Variants in XRN1 observed in about 807,000 individuals in gnomAD.
XRN1 encodes 5'-3' exoribonuclease 1, also known as strand-exchange protein 1 homolog.
XRN1 carries 67 observed loss-of-function variants against 222.3 expected under a neutral mutation model. That is an observed-to-expected ratio of 0.30 (90% confidence interval 0.25 to 0.37). The LOEUF is 0.37. Ranked by LOEUF, XRN1 falls within the 10% of genes least tolerant of loss-of-function variation. The probability of loss-of-function intolerance (pLI) is 1.00; values close to 1 mark genes in which losing one functional copy is unlikely to be tolerated. For missense variants in XRN1, 1,707 were observed against 2,000.2 expected (o/e 0.85, Z 2.80); for synonymous variants, 643 against 652.4 (o/e 0.99, Z 0.22).
At chr3:142,336,165 T>C (rs1331831215) in intron 33 of XRN1, among the ~76,000 whole-genome samples, 1 of 151,296 alleles carries the variant, frequency 6.6e-6, no homozygotes, top group Non-Finnish European at 1.5e-5. Flanking sequence ...ATGAAGGAGA[T>C]AGGAAAGGAT....
rs763279431 is a variant in XRN1 at position 142,404,860 on chromosome 3, T to A, written c.1883+47A>T. On this transcript the variant is annotated intron_variant, in intron 16 of 40. Transcript: ENST00000392981. ...CCCTTCACCACTTCTCGCACCCTTG[T>A]GTTAGGAGCGCTCTTTTGTTGTTGA... 1.9e-5 allele frequency: 30 copies of A among 1,588,704 alleles called. No homozygotes were observed. In the South Asian group the frequency reaches 3.1e-4, roughly 16 times the overall value.
chr3:142,352,992 A>G (rs2066354005), intron 32 of XRN1, among the ~76,000 whole-genome samples: 1 of 152,224 alleles, frequency 6.6e-6, no homozygotes, highest in South Asian at 2.1e-4. Context: ...CTAGCAAAAC[A>G]TGTAGTAGGA....
intron 33 of XRN1, among the ~76,000 whole-genome samples, chr3:142,346,485 CTTT>C (rs1252729302): frequency 1.4e-5 from 2 of 143,048 alleles, no homozygotes; most frequent in African/African-American, 2.5e-5. Flanking sequence ...CAATCATCCT[CTTT>C]TTTTTTTTTT....
At chr3:142,383,708 A>C (rs188599983) in intron 21 of XRN1, among the ~76,000 whole-genome samples, 19 of 152,314 alleles carry the variant, frequency 1.2e-4, no homozygotes, top group Admixed American at 3.9e-4. Context: ...ATCTTGTCCA[A>C]GGTCATGCAG....
intron 21 of XRN1, 57 bp from the exon 22 acceptor site, chr3:142,383,470 G>A: frequency 7.0e-7 from 1 of 1,429,970 alleles, no homozygotes. Flanking sequence ...TGCGTATCAA[G>A]TTTTTTTCCT....
At chr3:142,366,971 G>T (rs750629933) in intron 27 of XRN1, among the ~76,000 whole-genome samples, 45 of 152,118 alleles carry the variant, frequency 3.0e-4, no homozygotes, top group Admixed American at 6.5e-4. Context: ...TTCAAAATAT[G>T]ATCACCTAAG....
rs771542446 is a variant in XRN1 at position 142,365,339 on chromosome 3, C to G, written c.3232G>C (p.Val1078Leu). Reference sequence around the variant, plus strand: ...TATAGCAAATGGGGTTTCACTGTTACTCGCACCTTCTTATTATTCTTTCTT... The same window carrying G: ...TATAGCAAATGGGGTTTCACTGTTAGTCGCACCTTCTTATTATTCTTTCTT... ...KQRKNNKKVR[V>L]TVKPHLLYRP... Residue 1078 changes from valine (V) to leucine (L), a missense_variant, in exon 28 of 41, where the codon GTA becomes CTA. Physicochemically the swap from Val to Leu is conservative, Grantham distance 32. Coordinates refer to ENST00000392981, the MANE Select transcript of XRN1 (RefSeq NM_001282857.2). 1.9e-6 allele frequency: 3 copies of G among 1,577,402 alleles called. No individual in the cohort carries two copies. Among genetic ancestry groups the G allele is most frequent in the Non-Finnish European group, 2.6e-6 (3 of 1,161,438 alleles).
intron 33 of XRN1, among the ~76,000 whole-genome samples, chr3:142,336,093 A>G (rs73238143): frequency 0.1 from 15,696 of 152,218 alleles, 950 homozygotes; most frequent in Non-Finnish European, 0.14. Context: ...GGGGGATGGT[A>G]GGAGAAATGA....
At chr3:142,331,477 A>C (rs953305668) in intron 36 of XRN1, among the ~76,000 whole-genome samples, 2 of 152,212 alleles carry the variant, frequency 1.3e-5, no homozygotes, top group Admixed American at 1.3e-4. Flanking sequence ...ATCAATTATT[A>C]GCACCTACAA....
chr3:142,340,239 C>A (rs1473628945), intron 33 of XRN1, among the ~76,000 whole-genome samples: 1 of 151,980 alleles, frequency 6.6e-6, no homozygotes, highest in African/African-American at 2.4e-5. Flanking sequence ...CCTGTAATCC[C>A]AGCTACTTGG....
intron 1 of XRN1, among the ~76,000 whole-genome samples, chr3:142,442,592 T>A (rs1354781491): frequency 6.6e-6 from 1 of 152,198 alleles, no homozygotes; most frequent in Non-Finnish European, 1.5e-5. Flanking sequence ...ACTTAGGCAT[T>A]GATAGCACCC....
Position 142,335,029 on chromosome 3 carries a change from C to T in XRN1, c.3939+419G>A, listed in dbSNP as rs1040399299. On this transcript the variant is annotated intron_variant, in intron 34 of 40. Transcript: ENST00000392981. ...GATTTTTTTGTATTTTTAGTAGAGA[C>T]GGGGTTTTACCATGTTGGCAAGGCT... Among the ~76,000 whole-genome samples, 20 of 151,376 alleles carry T rather than the reference C, an allele frequency of 1.3e-4. No individual in the cohort carries two copies. The East Asian group carries it at 3.3e-3, about 25-fold the overall frequency.
intron 27 of XRN1, among the ~76,000 whole-genome samples, chr3:142,370,210 T>C (rs2066947807): frequency 6.6e-6 from 1 of 152,186 alleles, no homozygotes; most frequent in African/African-American, 2.4e-5. Flanking sequence ...CTTTTGTATA[T>C]TGAAAATATA....
intron 33 of XRN1, among the ~76,000 whole-genome samples, chr3:142,339,803 A>G (rs1052049132): frequency 6.6e-6 from 1 of 152,178 alleles, no homozygotes; most frequent in Admixed American, 6.5e-5. Context: ...CCTCAAAAAC[A>G]AAAACAAAAA....
intron 32 of XRN1, among the ~76,000 whole-genome samples, chr3:142,355,162 G>A (rs931758297): frequency 7.9e-5 from 12 of 151,646 alleles, no homozygotes; most frequent in African/African-American, 2.9e-4. Flanking sequence ...AGGATCATTT[G>A]TACCCTAAAC....
In XRN1 at chr3:142,326,480, TGTGA is replaced by T. The variant is rs142146089; in HGVS notation, c.4404+2950_4404+2953del. 1.2e-3 allele frequency among the ~76,000 whole-genome samples: 182 copies of T among 152,282 alleles called. 2 individuals are homozygous for T. In the South Asian group the frequency reaches 0.027, roughly 23 times the overall value. On this transcript the variant is annotated intron_variant, in intron 37 of 40. Coordinates refer to ENST00000392981, the MANE Select transcript of XRN1 (RefSeq NM_001282857.2). ...ATTGTTTGCTGTCAGTATATAGAAA[TGTGA>T]CTGATTGTATGTTGATTTTGTATCC...
rs371552412 is a variant in XRN1, at chr3:142,404,948, T to C, written c.1842A>G (p.Pro614=). 6.2e-7 allele frequency: 1 copy of C among 1,614,038 alleles called. No individual in the cohort carries two copies. Among genetic ancestry groups the C allele is most frequent in the South Asian group, 1.1e-5 (1 of 91,072 alleles). Residue 614 remains proline (P), a synonymous_variant, in exon 16 of 41, where the codon CCA becomes CCG. Coordinates refer to ENST00000392981, the MANE Select transcript of XRN1 (RefSeq NM_001282857.2). ...CTATGGCAGGGAACTTTTCTGGCCATGGAGAAGGATAGATAAACTCTGTGT... is the reference window on the plus strand; with the variant it reads ...CTATGGCAGGGAACTTTTCTGGCCACGGAGAAGGATAGATAAACTCTGTGT... ...DRDTEFIYPS[P]WPEKFPAIER...
intron 20 of XRN1, among the ~76,000 whole-genome samples, chr3:142,389,338 T>G (rs1036438693): frequency 1.3e-5 from 2 of 152,146 alleles, no homozygotes; most frequent in Non-Finnish European, 2.9e-5. Context: ...TTCCACCACA[T>G]CTGCAGTTAC....
intron 33 of XRN1, among the ~76,000 whole-genome samples, chr3:142,344,592 T>C (rs2066087144): frequency 1.3e-5 from 2 of 151,188 alleles, no homozygotes; most frequent in Non-Finnish European, 2.9e-5. Flanking sequence ...AAATCAGTTT[T>C]ATATCTATAA....
Sources: allele counts gnomAD v4.1 joint callset (sites outside exome capture counted in the v4.1 genomes callset), GRCh38; gene constraint gnomAD v4.1.1; transcripts MANE v1.5; gene names NCBI Gene and HGNC (gene_info 2026-07-23, HGNC 2026-07-21).